ZC3H12B: variants seen among roughly 807,000 people sequenced by gnomAD.
ZC3H12B encodes the protein probable ribonuclease ZC3H12B.
ZC3H12B carries 7 observed loss-of-function variants against 43.9 expected under a neutral mutation model. The observed-to-expected ratio is 0.16, with a 90% CI of 0.09 to 0.30. The LOEUF (loss-of-function observed/expected upper bound fraction) is 0.30, where lower values mean the gene tolerates loss of function less well. Among genes scored for constraint, ZC3H12B ranks in the 10% least tolerant of loss-of-function variants. The probability of loss-of-function intolerance (pLI) is 1.00; values close to 1 mark genes in which losing one functional copy is unlikely to be tolerated. For missense variants in ZC3H12B, 475 were observed against 670.2 expected (o/e 0.71, Z 3.22); for synonymous variants, 222 against 241.7 (o/e 0.92, Z 0.76).
the ZC3H12B span, among the ~76,000 whole-genome samples, chrX:65,111,266 G>A: frequency 1.2e-4 from 13 of 111,115 alleles, no homozygotes; most frequent in Non-Finnish European, 2.5e-4. Context: ...GAACTATATC[G>A]ATTAGGAGTA....
chrX:65,343,123 T>C, the ZC3H12B span, among the ~76,000 whole-genome samples: 205 of 111,041 alleles, frequency 1.8e-3, no homozygotes, highest in African/African-American at 6.3e-3. Context: ...CTGGGAGAAA[T>C]TGAATCCCTC....
the ZC3H12B span, among the ~76,000 whole-genome samples, chrX:65,347,515 G>A: frequency 8.9e-6 from 1 of 112,115 alleles, no homozygotes; most frequent in East Asian, 2.8e-4. Context: ...TCAGAGAAAT[G>A]CAAATCAAAA....
the ZC3H12B span, among the ~76,000 whole-genome samples, chrX:65,152,775 G>A: frequency 4.5e-5 from 5 of 111,710 alleles, no homozygotes; most frequent in African/African-American, 1.3e-4. Flanking sequence ...GCATTGCCAA[G>A]TCAATCCTAA....
At chrX:65,162,336 C>T in the ZC3H12B span, among the ~76,000 whole-genome samples, 1 of 112,026 alleles carries the variant, frequency 8.9e-6, no homozygotes, top group Non-Finnish European at 1.9e-5. Context: ...TGGGCAAGTT[C>T]TCCTGGATAA....
the ZC3H12B span, among the ~76,000 whole-genome samples, chrX:65,357,939 A>G: frequency 9.0e-6 from 1 of 110,712 alleles, no homozygotes; most frequent in African/African-American, 3.3e-5. Flanking sequence ...TGCAGTATTC[A>G]GGAGACCCAT....
At chrX:65,062,714 A>T in the ZC3H12B span, among the ~76,000 whole-genome samples, 12 of 112,110 alleles carry the variant, frequency 1.1e-4, no homozygotes, top group Non-Finnish European at 1.9e-4. Context: ...TTGTGACTTG[A>T]TGGGAATAAC....
the ZC3H12B span, among the ~76,000 whole-genome samples, chrX:65,055,803 G>A: frequency 9.0e-6 from 1 of 110,933 alleles, no homozygotes; most frequent in Admixed American, 9.6e-5. Flanking sequence ...AATTCTTCCT[G>A]GTTTAGTCTT....
chrX:65,336,885 A>T, the ZC3H12B span, among the ~76,000 whole-genome samples: 8 of 112,502 alleles, frequency 7.1e-5, no homozygotes, highest in Non-Finnish European at 1.1e-4. Flanking sequence ...TCATCCACAG[A>T]CATCAGCAAA....
chrX:65,441,595 G>T (rs1000151267), intron 3 of ZC3H12B, among the ~76,000 whole-genome samples: 1 of 112,032 alleles, frequency 8.9e-6, no homozygotes, highest in South Asian at 3.7e-4. Flanking sequence ...GGAAACAGAC[G>T]TAGATATAAC....
chrX:65,460,575 C>T (rs957853412), intron 3 of ZC3H12B, among the ~76,000 whole-genome samples: 6 of 112,008 alleles, frequency 5.4e-5, no homozygotes, highest in African/African-American at 1.9e-4. Context: ...ACAATCTGAT[C>T]TTTGGCAAAC....
At chrX:65,485,752 G>A (rs2068116693), upstream of ZC3H12B, among the ~76,000 whole-genome samples, 2 of 111,947 alleles carry the variant, frequency 1.8e-5, no homozygotes, top group Non-Finnish European at 3.8e-5. Flanking sequence ...TCATATACTT[G>A]TAATTTTAAA....
At chrX:65,375,060 C>T (rs558037269) in intron 2 of ZC3H12B, among the ~76,000 whole-genome samples, 2 of 111,699 alleles carry the variant, frequency 1.8e-5, no homozygotes, top group African/African-American at 3.3e-5. Context: ...AATATCACTC[C>T]TTCTCCACTA....
At chrX:65,495,871 AT>A (rs1190035703) in intron 1 of ZC3H12B, among the ~76,000 whole-genome samples, 2 of 110,483 alleles carry the variant, frequency 1.8e-5, no homozygotes, top group African/African-American at 3.3e-5. Flanking sequence ...GAATACTTGA[AT>A]TTTTTTTTCT....
Position 65,409,556 on chromosome X carries a change from CCACACACACACACACACA to C in ZC3H12B, n.407+10877_407+10894del, listed in dbSNP as rs149933064. Among the ~76,000 whole-genome samples the C allele has an allele frequency of 1.6e-3, 142 of 87,655 alleles. 1 individual carries two copies. Among genetic ancestry groups the C allele is most frequent in the Non-Finnish European group, 2.1e-3 (92 of 43,577 alleles). 76.1% of individuals were successfully genotyped at this position (87,655 alleles called of 115,157 possible). A position where few individuals can be genotyped will look rare whatever the true frequency, so the allele number is the denominator to read the frequency against. The stretch of plus-strand genomic sequence containing the variant: ...ATATATTTGGAAAAACCTAAAGACT[CCACACACACACACACACA>C]CACACACACACACACACACACACAA... On this transcript the variant is annotated intron_variant and non_coding_transcript_variant, in intron 3 of 5. Coordinates refer to the ZC3H12B transcript ENST00000617377.
At chrX:65,166,677 C>T in the ZC3H12B span, among the ~76,000 whole-genome samples, 2 of 111,682 alleles carry the variant, frequency 1.8e-5, no homozygotes, top group Non-Finnish European at 3.8e-5. Context: ...TAAAAGTGTT[C>T]CTGTTTCTCC....
chrX:65,085,426 A>G, the ZC3H12B span, among the ~76,000 whole-genome samples: 1 of 111,314 alleles, frequency 9.0e-6, no homozygotes, highest in Non-Finnish European at 1.9e-5. Flanking sequence ...ATAAAAAAAA[A>G]TTCAAAAATG....
the ZC3H12B span, among the ~76,000 whole-genome samples, chrX:65,160,966 G>C: frequency 3.6e-5 from 4 of 110,699 alleles, no homozygotes; most frequent in Non-Finnish European, 5.7e-5. Context: ...TTGTGTCTTT[G>C]TTCTCGTTGG....
the ZC3H12B span, among the ~76,000 whole-genome samples, chrX:65,265,615 A>G: frequency 8.9e-6 from 1 of 112,219 alleles, no homozygotes; most frequent in Non-Finnish European, 1.9e-5. Context: ...ACCATTCCAC[A>G]TACTGTAGCT....
the ZC3H12B span, among the ~76,000 whole-genome samples, chrX:65,142,438 T>A: frequency 8.9e-6 from 1 of 112,418 alleles, no homozygotes; most frequent in African/African-American, 3.2e-5. Context: ...TAAAGAATTT[T>A]TCCCACTCTA....
Sources: gnomAD v4.1 joint callset for allele counts (sites outside exome capture counted in the v4.1 genomes callset) on GRCh38, gnomAD v4.1.1 for gene constraint, MANE v1.5 for transcripts, NCBI Gene and HGNC (gene_info 2026-07-23, HGNC 2026-07-21) for gene names.